The following PPP2R5C variants were observed in gnomAD, a reference collection of about 807,000 sequenced individuals.
The protein encoded by PPP2R5C is serine/threonine-protein phosphatase 2A 56 kDa regulatory subunit gamma isoform.
A neutral mutation model predicts 68.9 loss-of-function variants in PPP2R5C; 7 were observed. That is an observed-to-expected ratio of 0.10 (90% CI 0.06 to 0.19). The LOEUF (loss-of-function observed/expected upper bound fraction) is 0.19. PPP2R5C is among the 10% of genes least tolerant of loss of function. The probability of loss-of-function intolerance (pLI) is 1.00; values close to 1 mark genes in which losing one functional copy is unlikely to be tolerated. For missense variants in PPP2R5C, 348 were observed against 641.3 expected (o/e 0.54, Z 4.94); for synonymous variants, 210 against 222.2 (o/e 0.95, Z 0.49).
intron 1 of PPP2R5C, among the ~76,000 whole-genome samples, chr14:101,813,135 C>T (rs1170389505): frequency 1.3e-5 from 2 of 152,214 alleles, no homozygotes; most frequent in East Asian, 1.9e-4. Context: ...TGGTCACCTG[C>T]GACTGCTGAG....
At chr14:101,919,482 A>C (rs1466230447) in intron 13 of PPP2R5C, among the ~76,000 whole-genome samples, 2 of 151,906 alleles carry the variant, frequency 1.3e-5, no homozygotes, top group Non-Finnish European at 2.9e-5. Context: ...TTTTTTTTTA[A>C]CTCAGGAATT....
At chr14:101,869,327 C>T (rs925711777) in intron 2 of PPP2R5C, among the ~76,000 whole-genome samples, 4 of 152,242 alleles carry the variant, frequency 2.6e-5, no homozygotes, top group Admixed American at 6.5e-5. Flanking sequence ...TTTGCTTATC[C>T]ATTTCCTATG....
At chr14:101,912,513 CTTGAATGTTTTTATAAG>C in intron 12 of PPP2R5C, 40 bp downstream of exon 14, 2 of 1,566,938 alleles carry the variant, frequency 1.3e-6, no homozygotes, top group South Asian at 2.4e-5. Flanking sequence ...CCCAGGGTTA[CTTGAATGTTTTTATAAG>C]ATAGGAATAT....
chr14:101,807,219 C>A (rs1454434008), upstream of PPP2R5C, among the ~76,000 whole-genome samples: 1 of 152,126 alleles, frequency 6.6e-6, no homozygotes, highest in Non-Finnish European at 1.5e-5. Flanking sequence ...CAGTTGTCTG[C>A]CCCAAGATTG....
intron 7 of PPP2R5C, 125 bp downstream of exon 9, chr14:101,893,233 C>A (rs1456938967): frequency 1.7e-6 from 1 of 593,322 alleles, no homozygotes; most frequent in Non-Finnish European, 2.9e-6. Flanking sequence ...ACTTTGGTAA[C>A]AAACTTCTGG....
At chr14:101,912,816 T>C (rs1242096156) in intron 12 of PPP2R5C, among the ~76,000 whole-genome samples, 1 of 152,232 alleles carries the variant, frequency 6.6e-6, no homozygotes, top group Non-Finnish European at 1.5e-5. Flanking sequence ...GCATTTCCCT[T>C]TCTTTTTCAT....
intron 2 of PPP2R5C, among the ~76,000 whole-genome samples, chr14:101,764,539 C>T (rs1206875473): frequency 2.0e-5 from 3 of 152,186 alleles, no homozygotes; most frequent in Non-Finnish European, 4.4e-5. Context: ...TCTGAACCTC[C>T]CTCCTCTTCA....
intron 2 of PPP2R5C, among the ~76,000 whole-genome samples, chr14:101,774,884 G>A (rs932432017): frequency 8.5e-5 from 13 of 152,342 alleles, no homozygotes; most frequent in African/African-American, 2.9e-4. Flanking sequence ...CAGGGGGCGC[G>A]TGGTCTCTAC....
intron 3 of PPP2R5C, among the ~76,000 whole-genome samples, chr14:101,799,042 G>A (rs550486764): frequency 4.7e-4 from 72 of 152,292 alleles, no homozygotes; most frequent in African/African-American, 1.7e-3. Context: ...GGGTGCAACT[G>A]CTTGATTCAT....
chr14:101,841,083 C>A (rs915304844), intron 1 of PPP2R5C, among the ~76,000 whole-genome samples: 1 of 152,184 alleles, frequency 6.6e-6, no homozygotes, highest in African/African-American at 2.4e-5. Context: ...TCTCTTAATT[C>A]ACATCAACCC....
chr14:101,833,580 CT>C (rs938351912), intron 1 of PPP2R5C: 3 of 152,220 alleles, frequency 2.0e-5, no homozygotes, highest in Non-Finnish European at 4.4e-5. Context: ...GACACACCCC[CT>C]TGCGATTTTG....
chr14:101,763,079 A>G lies in PPP2R5C; in HGVS notation c.93+109A>G, dbSNP rs996723598. ...ATCTTCTAAAATGTTTCCCTATGTG[A>G]GGTTTTTTTTTTGTGGTGTCTTTTA... On this transcript the variant is annotated intron_variant, in intron 2 of 14. Transcript: ENST00000328724. The G allele has an allele frequency of 5.2e-6, 5 of 961,282 alleles. No homozygotes were observed. In the African/African-American group the frequency reaches 8.4e-5, roughly 16 times the overall value. The allele number at this position is 961,282 out of a possible 1,614,324, so 59.5% of individuals were successfully genotyped here. A position where few individuals can be genotyped will look rare whatever the true frequency, so the allele number is the denominator to read the frequency against.
At chr14:101,795,622 T>C (rs2038570368) in intron 3 of PPP2R5C, among the ~76,000 whole-genome samples, 1 of 152,138 alleles carries the variant, frequency 6.6e-6, no homozygotes, top group Non-Finnish European at 1.5e-5. Context: ...AGCAGAATAA[T>C]GTAGGACTTA....
At chr14:101,870,725 G>A (rs2043351165) in intron 2 of PPP2R5C, among the ~76,000 whole-genome samples, 1 of 152,182 alleles carries the variant, frequency 6.6e-6, no homozygotes, top group Non-Finnish European at 1.5e-5. Flanking sequence ...ATGTAGACTT[G>A]GAGACCATTG....
At chr14:101,762,449 T>C (rs1158134930) in intron 1 of PPP2R5C, among the ~76,000 whole-genome samples, 1 of 151,332 alleles carries the variant, frequency 6.6e-6, no homozygotes, top group African/African-American at 2.4e-5. Flanking sequence ...TCGAACACTA[T>C]TATTATCCTG....
intron 1 of PPP2R5C, among the ~76,000 whole-genome samples, chr14:101,830,020 A>C (rs1328221072): frequency 6.6e-6 from 1 of 152,092 alleles, no homozygotes; most frequent in Non-Finnish European, 1.5e-5. Context: ...TTTCCTGCCT[A>C]GTAAGAGCCA....
At chr14:101,873,914 TG>T (rs2043585772) in intron 2 of PPP2R5C, among the ~76,000 whole-genome samples, 2 of 152,210 alleles carry the variant, frequency 1.3e-5, no homozygotes, top group Admixed American at 6.5e-5. Context: ...TGAAATCCAG[TG>T]TCTTGAAAAC....
intron 1 of PPP2R5C, among the ~76,000 whole-genome samples, chr14:101,813,556 G>A (rs905203217): frequency 6.6e-6 from 1 of 152,232 alleles, no homozygotes; most frequent in Admixed American, 6.5e-5. Flanking sequence ...AGGCGTGGTG[G>A]GTGGGCCCAC....
intron 1 of PPP2R5C, among the ~76,000 whole-genome samples, chr14:101,829,093 C>T (rs1199003127): frequency 6.6e-6 from 1 of 152,052 alleles, no homozygotes; most frequent in Non-Finnish European, 1.5e-5. Flanking sequence ...TCTTTTATTG[C>T]TGAGTCTGGT....
Sources: gnomAD v4.1 joint callset for allele counts (sites outside exome capture counted in the v4.1 genomes callset) on GRCh38, gnomAD v4.1.1 for gene constraint, MANE v1.5 for transcripts, NCBI Gene and HGNC (gene_info 2026-07-23, HGNC 2026-07-21) for gene names.